The following ANTXR2 variants were observed in gnomAD, a reference collection of about 807,000 sequenced individuals.
ANTXR2 encodes the protein ANTXR cell adhesion molecule 2, also known as anthrax toxin receptor 2.
A neutral mutation model predicts 73.7 loss-of-function variants in ANTXR2; 44 were observed. That is an observed-to-expected ratio of 0.60 (90% CI 0.47 to 0.77). ANTXR2 has a LOEUF of 0.77. ANTXR2 is among the 30% of genes least tolerant of loss of function. The probability of loss-of-function intolerance (pLI) is 0.00; values close to 1 mark genes in which losing one functional copy is unlikely to be tolerated. For missense variants in ANTXR2, 604 were observed against 592.5 expected (o/e 1.02, Z -0.20); for synonymous variants, 217 against 205.9 (o/e 1.05, Z -0.46).
At chr4:80,033,409 A>G in intron 9 of ANTXR2, 63 bp downstream of exon 9, 2 of 1,303,414 alleles carry the variant, frequency 1.5e-6, no homozygotes, top group Admixed American at 5.2e-5. Flanking sequence ...GAAAAAAAGA[A>G]AACATTTGAT....
At chr4:79,918,685 G>A (rs546596561) in intron 16 of ANTXR2, among the ~76,000 whole-genome samples, 3 of 152,132 alleles carry the variant, frequency 2.0e-5, no homozygotes, top group Admixed American at 6.6e-5. Flanking sequence ...TAACAAGTGC[G>A]AAAAGTTCTT....
At chr4:80,016,480 G>T (rs574664255) in intron 11 of ANTXR2, among the ~76,000 whole-genome samples, 1 of 152,160 alleles carries the variant, frequency 6.6e-6, no homozygotes, top group African/African-American at 2.4e-5. Flanking sequence ...CTAAGCTCCT[G>T]GAAGCCACTA....
chr4:80,022,889 T>C lies in ANTXR2; in HGVS notation c.867-3913A>G, dbSNP rs1007620605. Among the ~76,000 whole-genome samples the C allele has an allele frequency of 3.9e-5, 6 of 152,086 alleles. No individual in the cohort carries two copies. In the South Asian group the frequency reaches 1.2e-3, roughly 32 times the overall value. On this transcript the variant is annotated intron_variant, in intron 10 of 16. Coordinates refer to ENST00000403729, the MANE Select transcript of ANTXR2 (RefSeq NM_058172.6). ...ATCTTCCATTTCTCAATCTGTAAAATGGGGATAACTGTACCTATTTCAAAG... is the reference window on the plus strand; with the variant it reads ...ATCTTCCATTTCTCAATCTGTAAAACGGGGATAACTGTACCTATTTCAAAG...
intron 3 of ANTXR2, among the ~76,000 whole-genome samples, chr4:80,065,172 G>C (rs1219825668): frequency 6.6e-6 from 1 of 152,156 alleles, no homozygotes; most frequent in East Asian, 1.9e-4. Context: ...CTCTGTTACA[G>C]TATTAGCATA....
At chr4:79,983,068 T>C (rs1729958738) in intron 14 of ANTXR2, among the ~76,000 whole-genome samples, 1 of 152,046 alleles carries the variant, frequency 6.6e-6, no homozygotes, top group Non-Finnish European at 1.5e-5. Context: ...GCAACAATGG[T>C]AAAATGCATA....
intron 10 of ANTXR2, among the ~76,000 whole-genome samples, chr4:80,028,699 T>G (rs1279945684): frequency 6.6e-6 from 1 of 152,178 alleles, no homozygotes; most frequent in East Asian, 1.9e-4. Flanking sequence ...AACTAGCTAC[T>G]TAATGGGTTT....
intron 3 of ANTXR2, among the ~76,000 whole-genome samples, chr4:80,065,640 CT>C (rs1337155386): frequency 2.0e-5 from 3 of 152,174 alleles, no homozygotes; most frequent in Non-Finnish European, 4.4e-5. Flanking sequence ...ATGTTTATTA[CT>C]TTATTCATGC....
At chr4:79,930,134 A>C (rs1727998509) in intron 16 of ANTXR2, among the ~76,000 whole-genome samples, 1 of 152,212 alleles carries the variant, frequency 6.6e-6, no homozygotes, top group Non-Finnish European at 1.5e-5. Flanking sequence ...TGTCTTGGAT[A>C]CTTGTATAGT....
chr4:80,061,608 A>C (rs1395519737), intron 3 of ANTXR2, among the ~76,000 whole-genome samples: 1 of 152,168 alleles, frequency 6.6e-6, no homozygotes, highest in Non-Finnish European at 1.5e-5. Context: ...ATTGAGTAGA[A>C]TATGAAACGA....
chr4:80,041,201 T>C (rs1317581825), intron 7 of ANTXR2, among the ~76,000 whole-genome samples: 2 of 152,040 alleles, frequency 1.3e-5, no homozygotes, highest in Non-Finnish European at 2.9e-5. Context: ...AACTAGGTTG[T>C]CCCCAGGTTT....
chr4:79,992,387 T>A (rs1402798077), intron 12 of ANTXR2, among the ~76,000 whole-genome samples: 2 of 151,856 alleles, frequency 1.3e-5, no homozygotes, highest in Non-Finnish European at 2.9e-5. Flanking sequence ...AGGGAAAAAA[T>A]ACACAGACAA....
chr4:80,061,099 A>C (rs762562890), intron 3 of ANTXR2, among the ~76,000 whole-genome samples: 3 of 152,144 alleles, frequency 2.0e-5, no homozygotes, highest in African/African-American at 4.8e-5. Context: ...CAGAGTAGTC[A>C]AAGTTTTCAT....
chr4:79,915,862 C>CTCTCTCTCTCTCTATATATATA (rs377006532), intron 16 of ANTXR2, among the ~76,000 whole-genome samples: 2 of 123,874 alleles, frequency 1.6e-5, no homozygotes, highest in Non-Finnish European at 3.4e-5. Context: ...CTCTCTCTCT[C>CTCTCTCTCTCTCTATATATATA]TATATATATA....
intron 11 of ANTXR2, among the ~76,000 whole-genome samples, chr4:80,018,375 G>A (rs1387936059): frequency 6.6e-6 from 1 of 152,084 alleles, no homozygotes; most frequent in East Asian, 1.9e-4. Context: ...ATGCAAATCA[G>A]TAATCTCAAA....
rs772465370 is a variant in ANTXR2 at position 80,054,343 on chromosome 4, T to C, written c.565A>G (p.Ile189Val). 6.3e-7 allele frequency: 1 copy of C among 1,591,024 alleles called. No individual in the cohort carries two copies. The highest frequency in any genetic ancestry group is 8.6e-7 in the Non-Finnish European group (1 of 1,169,422). Residue 189 changes from isoleucine to valine, a missense_variant, in exon 7 of 17, where the codon ATT becomes GTT. Physicochemically the swap from Ile to Val is conservative, Grantham distance 29 (BLOSUM62 3). Coordinates refer to ENST00000403729, the MANE Select transcript of ANTXR2 (RefSeq NM_058172.6). ...AAAACTTGCTCCTTGGAATCAGCAA[T>C]TCTTTCAAGCTTTAGAAAGAAGAGG... ...LDFEQAQLERIADSKEQVFPV... is the reference protein window; with the variant it reads ...LDFEQAQLERVADSKEQVFPV...
intron 7 of ANTXR2, among the ~76,000 whole-genome samples, chr4:80,041,377 G>C (rs1733239799): frequency 6.6e-6 from 1 of 151,808 alleles, no homozygotes; most frequent in Admixed American, 6.6e-5. Context: ...CTAAAATCTG[G>C]CTTATTCCTT....
chr4:80,032,642 G>C (rs1195126147), intron 9 of ANTXR2, among the ~76,000 whole-genome samples: 1 of 151,696 alleles, frequency 6.6e-6, no homozygotes, highest in Non-Finnish European at 1.5e-5. Context: ...AATGGCAGAT[G>C]AATCTAAAAA....
intron 3 of ANTXR2, among the ~76,000 whole-genome samples, chr4:80,066,800 T>C (rs1417100981): frequency 1.3e-5 from 2 of 152,204 alleles, no homozygotes; most frequent in African/African-American, 4.8e-5. Context: ...GTTAAGCAAC[T>C]TATCCTTGAC....
intron 10 of ANTXR2, among the ~76,000 whole-genome samples, chr4:80,030,423 TCCTACG>T (rs1340863133): frequency 6.6e-6 from 1 of 152,062 alleles, no homozygotes; most frequent in Non-Finnish European, 1.5e-5. Context: ...AAGCCTTGAG[TCCTACG>T]GTGTGCTTGG....
Sources: gnomAD v4.1 joint callset for allele counts (sites outside exome capture counted in the v4.1 genomes callset) on GRCh38, gnomAD v4.1.1 for gene constraint, MANE v1.5 for transcripts, NCBI Gene and HGNC (gene_info 2026-07-23, HGNC 2026-07-21) for gene names.